NEMP2: variants seen among roughly 807,000 people sequenced by gnomAD.
NEMP2 encodes the protein nuclear envelope integral membrane protein 2.
NEMP2 carries 53 observed loss-of-function variants against 54.2 expected under a neutral mutation model. That is an observed-to-expected ratio of 0.98 (90% CI 0.78 to 1.23). The LOEUF is 1.23. Among genes scored for constraint, NEMP2 ranks in the 50% most tolerant of loss-of-function variants. NEMP2 has a pLI of 0.00. For missense variants in NEMP2, 455 were observed against 511.3 expected, an observed-to-expected ratio of 0.89 and a Z score of 1.06; for synonymous variants, 197 against 190.3, an observed-to-expected ratio of 1.04 and a Z score of -0.29.
At chr2:190,571,142 T>C in the NEMP2 span, among the ~76,000 whole-genome samples, 34,368 of 152,176 alleles carry the variant, frequency 0.23, 4,956 homozygotes, top group South Asian at 0.33. Context: ...GAGATAATAG[T>C]AATTGTACCC....
At chr2:190,424,300 A>G in the NEMP2 span, among the ~76,000 whole-genome samples, 1 of 151,102 alleles carries the variant, frequency 6.6e-6, no homozygotes, top group African/African-American at 2.4e-5. This position sits in a 1 kb window ranked among gnomAD's most constrained non-coding sequence, Gnocchi z 5.9. Flanking sequence ...TTTTGAGTTA[A>G]TATTTGTATA....
Position 190,510,379 on chromosome 2 carries a change from C to A in NEMP2, c.1112G>T (p.Arg371Ile). 6.4e-7 allele frequency: 1 copy of A among 1,551,690 alleles called. No homozygotes were observed. The highest frequency in any genetic ancestry group is 8.7e-7 in the Non-Finnish European group (1 of 1,147,002). ...GACTTACTTGCTAGGAGTGTGGAGTCTGGAGACGACCAGCCATGAGGGAAA... is the reference window on the plus strand; with the variant it reads ...GACTTACTTGCTAGGAGTGTGGAGTATGGAGACGACCAGCCATGAGGGAAA... ...PDFPSWLVVS[R>I]LHTPSKFADF... is the part of the protein sequence containing the mutation. Residue 371 changes from arginine to isoleucine, a missense_variant, in exon 8 of 9, where the codon AGA becomes ATA. By Grantham distance (97) the Arg-to-Ile change is moderately conservative. Coordinates refer to ENST00000409150, the MANE Select transcript of NEMP2 (RefSeq NM_001142645.2). The surrounding 1 kb of genome is among the most constrained non-coding windows in gnomAD (Gnocchi z 5.7).
chr2:190,549,422 A>G, the NEMP2 span, among the ~76,000 whole-genome samples: 2 of 152,180 alleles, frequency 1.3e-5, no homozygotes, highest in Admixed American at 6.5e-5. Context: ...CTCATCTACT[A>G]TTTGGCTACC....
At chr2:190,424,082 G>A in the NEMP2 span, among the ~76,000 whole-genome samples, 2 of 152,156 alleles carry the variant, frequency 1.3e-5, no homozygotes, top group Admixed American at 1.3e-4. The surrounding 1 kb of genome is among the most constrained non-coding windows in gnomAD (Gnocchi z 5.9). Flanking sequence ...ACAGTCTGTA[G>A]CTTGTGTTTT....
chr2:190,568,973 GA>G, the NEMP2 span, among the ~76,000 whole-genome samples: 3 of 150,762 alleles, frequency 2.0e-5, no homozygotes, highest in African/African-American at 4.9e-5. This position sits in a 1 kb window ranked among gnomAD's most constrained non-coding sequence, Gnocchi z 4.7. Context: ...ATCTGGAACT[GA>G]AAAAAAAATC....
the NEMP2 span, among the ~76,000 whole-genome samples, chr2:190,548,809 C>A: frequency 1.3e-5 from 2 of 152,210 alleles, no homozygotes; most frequent in Non-Finnish European, 2.9e-5. Context: ...TAGCCATCAC[C>A]CAAATCAAGA....
the NEMP2 span, among the ~76,000 whole-genome samples, chr2:190,602,078 TAGTC>T: frequency 7.9e-5 from 12 of 152,150 alleles, no homozygotes; most frequent in Non-Finnish European, 1.8e-4. Flanking sequence ...ATTAATGTAT[TAGTC>T]AGGGTTCTCT....
At chr2:190,637,428 C>G in the NEMP2 span, among the ~76,000 whole-genome samples, 1 of 152,222 alleles carries the variant, frequency 6.6e-6, no homozygotes, top group Admixed American at 6.5e-5. The surrounding 1 kb of genome is among the most constrained non-coding windows in gnomAD (Gnocchi z 4.5). Context: ...CTTAGCGTGT[C>G]AGAGGTGGCT....
In NEMP2 at chr2:190,505,983, ACCTTATTATAATTTGACC is replaced by A. The variant is rs916811944; in HGVS notation, c.*3188_*3205del. On this transcript the variant is annotated 3_prime_UTR_variant, in exon 9 of 9. Coordinates refer to ENST00000409150, the MANE Select transcript of NEMP2 (RefSeq NM_001142645.2). The surrounding 1 kb of genome is among the most constrained non-coding windows in gnomAD (Gnocchi z 5.8). The stretch of plus-strand genomic sequence containing the variant: ...TTTTGTTTCAGTTCACCAAGTAGCC[ACCTTATTATAATTTGACC>A]CCTTGTAAATCTGTCTTCTGAGAGA... 78 of 152,342 alleles carry A rather than the reference ACCTTATTATAATTTGACC, an allele frequency of 5.1e-4. No individual in the cohort carries two copies. Among genetic ancestry groups the A allele is most frequent in the African/African-American group, 1.7e-3 (72 of 41,578 alleles). 9.4% of individuals were successfully genotyped at this position (152,342 alleles called of 1,614,324 possible). A position where few individuals can be genotyped will look rare whatever the true frequency, so the allele number is the denominator to read the frequency against.
At chr2:190,476,078 C>T in the NEMP2 span, among the ~76,000 whole-genome samples, 3 of 152,164 alleles carry the variant, frequency 2.0e-5, no homozygotes, top group Non-Finnish European at 2.9e-5. Context: ...GGATTAAAGA[C>T]TTAAATGTTA....
the NEMP2 span, among the ~76,000 whole-genome samples, chr2:190,486,751 G>A: frequency 6.6e-6 from 1 of 152,152 alleles, no homozygotes; most frequent in African/African-American, 2.4e-5. Context: ...TCCAAAATAC[G>A]AGTTAAGAGT....
At chr2:190,446,540 G>A in the NEMP2 span, among the ~76,000 whole-genome samples, 2 of 152,210 alleles carry the variant, frequency 1.3e-5, no homozygotes, top group Non-Finnish European at 2.9e-5. Context: ...TGGGATCTGA[G>A]TTGGAAAAAA....
At chr2:190,439,194 T>C in the NEMP2 span, among the ~76,000 whole-genome samples, 1 of 151,980 alleles carries the variant, frequency 6.6e-6, no homozygotes, top group Non-Finnish European at 1.5e-5. This position sits in a 1 kb window ranked among gnomAD's most constrained non-coding sequence, Gnocchi z 5.8. Flanking sequence ...CTCACTGCAG[T>C]TAATAATGTC....
At position 190,508,537 on chromosome 2, in the gene NEMP2, T is replaced by C. The variant is rs934960961; in HGVS notation, c.*652A>G. The C allele has an allele frequency of 1.3e-5, 2 of 152,264 alleles. No homozygotes were observed. The highest frequency in any genetic ancestry group is 4.8e-5 in the African/African-American group (2 of 41,456). 9.4% of individuals were successfully genotyped at this position (152,264 alleles called of 1,614,324 possible). On this transcript the variant is annotated 3_prime_UTR_variant, in exon 9 of 9. Transcript: ENST00000409150. This position sits in a 1 kb window ranked among gnomAD's most constrained non-coding sequence, Gnocchi z 4.3. ...AAACGTGTTCCAAGGAATATTAATC[T>C]CATGAAAAAGAGTTCTGTGGTCAAA...
At chr2:190,610,130 C>G in the NEMP2 span, 1 of 152,138 alleles carries the variant, frequency 6.6e-6, no homozygotes, top group Non-Finnish European at 1.5e-5. The surrounding 1 kb of genome is among the most constrained non-coding windows in gnomAD (Gnocchi z 5.4). Context: ...CTGAAAAAAT[C>G]AGGCAAGACT....
At chr2:190,488,909 A>C in the NEMP2 span, 1 of 1,221,026 alleles carries the variant, frequency 8.2e-7, no homozygotes, top group Non-Finnish European at 1.1e-6. The surrounding 1 kb of genome is among the most constrained non-coding windows in gnomAD (Gnocchi z 6.4). Flanking sequence ...ATTATTACTG[A>C]AGATTGCCCA....
At chr2:190,648,590 A>G in the NEMP2 span, 1 of 147,296 alleles carries the variant, frequency 6.8e-6, no homozygotes, top group African/African-American at 2.5e-5. Flanking sequence ...TCTTTGAAAT[A>G]CTATATCGGG....
chr2:190,619,407 G>A, the NEMP2 span, among the ~76,000 whole-genome samples: 1 of 151,918 alleles, frequency 6.6e-6, no homozygotes, highest in South Asian at 2.1e-4. This position sits in a 1 kb window ranked among gnomAD's most constrained non-coding sequence, Gnocchi z 5.5. Context: ...GGCTGAGGTG[G>A]GAGCATCCCT....
At chr2:190,594,103 G>A in the NEMP2 span, among the ~76,000 whole-genome samples, 93 of 152,114 alleles carry the variant, frequency 6.1e-4, no homozygotes, top group Admixed American at 1.3e-3. This position sits in a 1 kb window ranked among gnomAD's most constrained non-coding sequence, Gnocchi z 5.6. Context: ...ACTGTCTTTC[G>A]TTTGTTTGTC....
Sources: allele counts gnomAD v4.1 joint callset (sites outside exome capture counted in the v4.1 genomes callset), GRCh38; gene constraint gnomAD v4.1.1; non-coding constraint Gnocchi (gnomAD v3.1); transcripts MANE v1.5; gene names NCBI Gene and HGNC (gene_info 2026-07-23, HGNC 2026-07-21).